Variants in GPR141 observed in about 807,000 individuals in gnomAD.
GPR141 encodes the protein probable G protein-coupled receptor 141.
A neutral mutation model predicts 6.8 loss-of-function variants in GPR141; 6 were observed. The ratio of observed to expected loss-of-function variants is 0.88; its 90% CI spans 0.48 to 1.74. The LOEUF (loss-of-function observed/expected upper bound fraction) is 1.74, where lower values mean the gene tolerates loss of function less well. Ranked by LOEUF, GPR141 falls within the 40% of genes most tolerant of loss-of-function variation. The pLI, the probability that GPR141 is intolerant of heterozygous loss-of-function variation, is 0.01. For missense variants in GPR141, 372 were observed against 372.9 expected (o/e 1.00, Z 0.02); for synonymous variants, 140 against 142.3 (o/e 0.98, Z 0.11).
At chr7:37,684,776 T>A (rs555229556) in intron 1 of GPR141, among the ~76,000 whole-genome samples, 1 of 152,368 alleles carries the variant, frequency 6.6e-6, no homozygotes, top group African/African-American at 2.4e-5. Flanking sequence ...TCTGAGAAAT[T>A]ACTTATTAAG....
chr7:37,740,849 C>G lies in GPR141; in HGVS notation c.456C>G (p.Val152=). 2 of 1,614,118 alleles carry G rather than the reference C, an allele frequency of 1.2e-6. No individual in the cohort carries two copies. The highest frequency in any genetic ancestry group is 1.7e-6 in the Non-Finnish European group (2 of 1,179,976). The change falls in exon 3 of 3, where the codon GTC becomes GTG. Residue 152 remains valine (V), a synonymous_variant. Transcript: ENST00000334425. ...LVIVIVVPLV[V]SRYGIHEEYN... is the part of the protein sequence containing the mutation. Reference sequence around the variant, plus strand: ...TTGTCATTGTGGTACCCCTGGTTGTCTCCCGGTATGGAATCCATGAGGAAT... The same window carrying G: ...TTGTCATTGTGGTACCCCTGGTTGTGTCCCGGTATGGAATCCATGAGGAAT...
chr7:37,732,437 C>G (rs10274573), intron 2 of GPR141, among the ~76,000 whole-genome samples: 51,097 of 151,782 alleles, frequency 0.34, 8,875 homozygotes, highest in Middle Eastern at 0.41. Context: ...TAGCTGTAGT[C>G]CATGGGACAG....
At chr7:37,737,385 C>T (rs1323938309) in intron 2 of GPR141, among the ~76,000 whole-genome samples, 1 of 151,958 alleles carries the variant, frequency 6.6e-6, no homozygotes, top group African/African-American at 2.4e-5. Context: ...TGTAATATAT[C>T]ATGTTAGTAT....
intron 2 of GPR141, among the ~76,000 whole-genome samples, chr7:37,693,978 G>A (rs939862837): frequency 5.9e-5 from 9 of 152,156 alleles, no homozygotes; most frequent in African/African-American, 2.2e-4. Flanking sequence ...TAGTCTGGAT[G>A]ACCCGGGCAC....
Position 37,733,063 on chromosome 7 carries a change from TA to T in GPR141, c.-14-7315del, listed in dbSNP as rs1812053091. 3.3e-5 allele frequency among the ~76,000 whole-genome samples: 5 copies of T among 152,198 alleles called. No individual in the cohort carries two copies. In the South Asian group the frequency reaches 8.3e-4, roughly 25 times the overall value. ...GGGGAGTGAGCCAAAGTGTGTCAGG[TA>T]AGGCAGAGAACCAAAACCAGATATC... On this transcript the variant is annotated intron_variant, in intron 2 of 2. Transcript: ENST00000334425.
intron 2 of GPR141, among the ~76,000 whole-genome samples, chr7:37,726,642 G>A (rs936049361): frequency 6.6e-5 from 10 of 151,882 alleles, no homozygotes; most frequent in African/African-American, 1.9e-4. Flanking sequence ...TAATTTTTTG[G>A]ATTGATTTGA....
At chr7:37,695,008 G>A (rs1326288946) in intron 2 of GPR141, among the ~76,000 whole-genome samples, 3 of 152,208 alleles carry the variant, frequency 2.0e-5, no homozygotes, top group Admixed American at 2.0e-4. Flanking sequence ...GGGCCCTGAA[G>A]GCAGGGCACA....
chr7:37,696,267 A>G (rs117739624), intron 2 of GPR141, among the ~76,000 whole-genome samples: 1,650 of 152,318 alleles, frequency 0.011, 23 homozygotes, highest in Non-Finnish European at 0.018. Context: ...TATTTAAAGT[A>G]GTTGAGGCTA....
chr7:37,691,051 T>A (rs1434679027), intron 2 of GPR141, among the ~76,000 whole-genome samples: 1 of 152,196 alleles, frequency 6.6e-6, no homozygotes, highest in Non-Finnish European at 1.5e-5. Flanking sequence ...TGATCCTTTT[T>A]ATCATTGTAT....
intron 2 of GPR141, among the ~76,000 whole-genome samples, chr7:37,708,868 A>G (rs1810661883): frequency 6.6e-6 from 1 of 152,186 alleles, no homozygotes; most frequent in Non-Finnish European, 1.5e-5. Flanking sequence ...CCTTCTCAAC[A>G]TTTTACATTC....
rs1562764851 is a variant in GPR141, at chr7:37,691,287, C to CTTTTTTT, written c.-15+5704_-15+5705insTTTTTTT. Among the ~76,000 whole-genome samples the CTTTTTTT allele has an allele frequency of 1.1e-3, 100 of 93,664 alleles. 1 individual carries two copies. The highest frequency in any genetic ancestry group is 1.2e-3 in the Non-Finnish European group (63 of 52,860). The allele number at this position is 93,664 out of a possible 152,430, so 61.4% of individuals were successfully genotyped here. A position where few individuals can be genotyped will look rare whatever the true frequency, so the allele number is the denominator to read the frequency against. Reference sequence around the variant, plus strand: ...TTTAACCTAGTTACCCAGTCTATATCCTTTTTTTTTTTTTTTTTTTTTTTT... The same window carrying CTTTTTTT: ...TTTAACCTAGTTACCCAGTCTATATCTTTTTTTCTTTTTTTTTTTTTTTTTTTTTTTT... On this transcript the variant is annotated intron_variant, in intron 2 of 2. Transcript: ENST00000334425.
chr7:37,695,930 C>T (rs1809996484), intron 2 of GPR141, among the ~76,000 whole-genome samples: 1 of 152,078 alleles, frequency 6.6e-6, no homozygotes, highest in African/African-American at 2.4e-5. Flanking sequence ...AATTTTAGGT[C>T]CCTTGTATAA....
intron 2 of GPR141, among the ~76,000 whole-genome samples, chr7:37,722,141 C>T (rs1184807765): frequency 1.1e-4 from 17 of 152,140 alleles, no homozygotes; most frequent in Admixed American, 1.1e-3. Context: ...ACACCACCTT[C>T]TGGAAAAATC....
intron 2 of GPR141, among the ~76,000 whole-genome samples, chr7:37,736,445 C>T (rs1812241107): frequency 1.4e-5 from 2 of 143,814 alleles, no homozygotes; most frequent in African/African-American, 5.2e-5. Flanking sequence ...CCAAAAGTGA[C>T]AAAAGACATT....
At chr7:37,730,972 A>G (rs982973411) in intron 2 of GPR141, among the ~76,000 whole-genome samples, 2 of 152,252 alleles carry the variant, frequency 1.3e-5, no homozygotes, top group East Asian at 3.8e-4. Flanking sequence ...TAACAGACAC[A>G]TAAATTAATA....
chr7:37,705,834 C>T (rs1810499955), intron 2 of GPR141, among the ~76,000 whole-genome samples: 1 of 152,130 alleles, frequency 6.6e-6, no homozygotes, highest in Admixed American at 6.5e-5. Context: ...ATAGGGCAGC[C>T]ACAGTTGATG....
intron 2 of GPR141, among the ~76,000 whole-genome samples, chr7:37,740,061 T>A (rs1812453271): frequency 6.6e-6 from 1 of 152,188 alleles, no homozygotes; most frequent in Non-Finnish European, 1.5e-5. Flanking sequence ...AGTACTAGTA[T>A]CCAAGTACTA....
At position 37,719,020 on chromosome 7, in the gene GPR141, C is replaced by T. The variant is rs59694481; in HGVS notation, c.-14-21360C>T. ...TATGGAGGCAAGAAGAATAAGCTTTCTTGCCTGTGCGTGAAGAGTTTCACC... is the reference window on the plus strand; with the variant it reads ...TATGGAGGCAAGAAGAATAAGCTTTTTTGCCTGTGCGTGAAGAGTTTCACC... On this transcript the variant is annotated intron_variant, in intron 2 of 2. Transcript: ENST00000334425. Among the ~76,000 whole-genome samples, 968 of 152,332 alleles carry T rather than the reference C, an allele frequency of 6.4e-3. 10 individuals are homozygous for T. The highest frequency in any genetic ancestry group is 0.022 in the African/African-American group (914 of 41,574).
intron 2 of GPR141, among the ~76,000 whole-genome samples, chr7:37,717,353 A>C (rs1811096343): frequency 6.6e-6 from 1 of 152,236 alleles, no homozygotes; most frequent in African/African-American, 2.4e-5. Context: ...TTTCTTATTG[A>C]AATCTCCCTT....
Sources: gnomAD v4.1 joint callset for allele counts (sites outside exome capture counted in the v4.1 genomes callset) on GRCh38, gnomAD v4.1.1 for gene constraint, MANE v1.5 for transcripts, NCBI Gene and HGNC (gene_info 2026-07-23, HGNC 2026-07-21) for gene names.